Variants in TMTC2 observed in about 807,000 individuals in gnomAD.
TMTC2 encodes the protein protein O-mannosyl-transferase TMTC2.
In TMTC2, 43 loss-of-function variants were observed where a neutral mutation model predicts 82.4. That is an observed-to-expected ratio of 0.52 (90% CI 0.41 to 0.67). The LOEUF is 0.67. Ranked by LOEUF, TMTC2 falls within the 30% of genes least tolerant of loss-of-function variation. TMTC2 has a pLI of 0.00. For synonymous variants in TMTC2, 408 were observed against 381.9 expected, an observed-to-expected ratio of 1.07 and a Z score of -0.80; for missense variants, 919 against 1,012.4, an observed-to-expected ratio of 0.91 and a Z score of 1.25.
At chr12:82,829,115 A>AT (rs2137074009) in intron 1 of TMTC2, among the ~76,000 whole-genome samples, 2 of 152,272 alleles carry the variant, frequency 1.3e-5, no homozygotes, top group South Asian at 4.2e-4. Context: ...AACACTTTTA[A>AT]TTTCCTGAGT....
chr12:82,934,551 C>T (rs984438214), intron 4 of TMTC2, among the ~76,000 whole-genome samples: 1 of 152,142 alleles, frequency 6.6e-6, no homozygotes, highest in Non-Finnish European at 1.5e-5. Context: ...CTGCAAAGGA[C>T]ATGAACTCAT....
chr12:82,799,655 G>T (rs576449995), intron 1 of TMTC2, among the ~76,000 whole-genome samples: 2 of 152,182 alleles, frequency 1.3e-5, no homozygotes, highest in South Asian at 4.1e-4. Flanking sequence ...GCCATCTCTG[G>T]CATTCCTTGC....
intron 1 of TMTC2, among the ~76,000 whole-genome samples, chr12:82,822,665 A>AT (rs750903987): frequency 6.6e-6 from 1 of 152,156 alleles, no homozygotes; most frequent in African/African-American, 2.4e-5. Flanking sequence ...TCTTTTAGTG[A>AT]TTTTGTGGCA....
chr12:82,828,476 A>G (rs1286854973), intron 1 of TMTC2, among the ~76,000 whole-genome samples: 3 of 152,110 alleles, frequency 2.0e-5, no homozygotes, highest in African/African-American at 7.2e-5. Flanking sequence ...CTGGGATTAC[A>G]GGCATGAGCC....
chr12:83,072,043 G>T (rs1166016432), intron 11 of TMTC2, among the ~76,000 whole-genome samples: 3 of 151,926 alleles, frequency 2.0e-5, no homozygotes, highest in African/African-American at 4.8e-5. Flanking sequence ...CCTTTCTTCT[G>T]CTGGGTTTGG....
intron 3 of TMTC2, among the ~76,000 whole-genome samples, chr12:82,918,225 C>T (rs1355804211): frequency 1.3e-5 from 2 of 152,150 alleles, no homozygotes; most frequent in African/African-American, 4.8e-5. Flanking sequence ...GGCTTTTAAT[C>T]TGAATAAAAA....
chr12:82,882,922 G>A (rs1051299662), intron 2 of TMTC2, among the ~76,000 whole-genome samples: 3 of 151,908 alleles, frequency 2.0e-5, no homozygotes, highest in African/African-American at 7.3e-5. Flanking sequence ...TGGGCGTGGT[G>A]GCGTGTGCCT....
At chr12:82,787,814 G>A (rs1013457004) in intron 1 of TMTC2, among the ~76,000 whole-genome samples, 6 of 152,058 alleles carry the variant, frequency 3.9e-5, no homozygotes, top group African/African-American at 1.4e-4. Flanking sequence ...GGGAGGCTGA[G>A]GCAGGAGAAT....
At chr12:82,875,385 T>TATATATATA (rs140437146) in intron 2 of TMTC2, among the ~76,000 whole-genome samples, 7 of 151,828 alleles carry the variant, frequency 4.6e-5, no homozygotes, top group African/African-American at 1.7e-4. Flanking sequence ...TATATATATA[T>TATATATATA]ATGTTTTACA....
At chr12:82,733,620 T>C (rs1416616038) in intron 1 of TMTC2, among the ~76,000 whole-genome samples, 9 of 152,132 alleles carry the variant, frequency 5.9e-5, no homozygotes, top group African/African-American at 2.2e-4. Flanking sequence ...AATTAGTTTC[T>C]AGTGGAAAGT....
chr12:83,060,500 T>C (rs192125166), intron 10 of TMTC2, among the ~76,000 whole-genome samples: 1 of 151,922 alleles, frequency 6.6e-6, no homozygotes, highest in African/African-American at 2.4e-5. Context: ...CTTGTCTCAA[T>C]AGCTTCTTTA....
chr12:83,055,734 ATG>A (rs1269422085), intron 10 of TMTC2, among the ~76,000 whole-genome samples: 2 of 136,800 alleles, frequency 1.5e-5, no homozygotes, highest in Non-Finnish European at 3.2e-5. Context: ...GTGTGTGTGT[ATG>A]TGTGTGTGTT....
At chr12:82,934,384 C>T (rs1876203325) in intron 4 of TMTC2, among the ~76,000 whole-genome samples, 1 of 152,038 alleles carries the variant, frequency 6.6e-6, no homozygotes, top group Non-Finnish European at 1.5e-5. Context: ...CCCCTAGCCC[C>T]CCACCCCTTG....
At chr12:82,798,723 C>G (rs1328738774) in intron 1 of TMTC2, among the ~76,000 whole-genome samples, 2 of 149,928 alleles carry the variant, frequency 1.3e-5, no homozygotes, top group Non-Finnish European at 3.0e-5. Flanking sequence ...AGGAGAATCG[C>G]TTGAACCCGG....
In TMTC2 at chr12:83,039,124, GT is replaced by G. The variant is rs372800634; in HGVS notation, c.2152+8249del. Among the ~76,000 whole-genome samples the G allele has an allele frequency of 3.7e-3, 558 of 152,082 alleles. 5 individuals are homozygous for G. The highest frequency in any genetic ancestry group is 0.023 in the South Asian group (111 of 4,810). On this transcript the variant is annotated intron_variant, in intron 9 of 11. Coordinates refer to ENST00000321196, the MANE Select transcript of TMTC2 (RefSeq NM_152588.3). ...TTTTTGTATTTTTAGTAGAGACAAG[GT>G]TTTCCCATGTTTGGCCAGGCTGTTC...
Position 82,896,519 on chromosome 12 carries a change from G to A in TMTC2, c.1356G>A (p.Lys452=). The A allele has an allele frequency of 6.2e-7, 1 of 1,614,152 alleles. No individual in the cohort carries two copies. The highest frequency in any genetic ancestry group is 8.5e-7 in the Non-Finnish European group (1 of 1,180,038). The change falls in exon 3 of 12, where the codon AAG becomes AAA. Residue 452 remains lysine (K), a synonymous_variant. Transcript: ENST00000321196. The stretch of plus-strand genomic sequence containing the variant: ...TCAAAGTCCAAAAGCGGTTCCTCAA[G>A]AGCTTGATTTTTTATGCTACAGCTA... ...LYVKVQKRFL[K]SLIFYATATL...
At chr12:82,791,661 C>G (rs988276412) in intron 1 of TMTC2, among the ~76,000 whole-genome samples, 2 of 152,110 alleles carry the variant, frequency 1.3e-5, no homozygotes, top group African/African-American at 4.8e-5. Context: ...GCCAGAAGTT[C>G]CTAAGTTATA....
chr12:83,053,691 C>T (rs10746266), intron 10 of TMTC2, among the ~76,000 whole-genome samples: 121,230 of 151,988 alleles, frequency 0.8, 48,475 homozygotes, highest in East Asian at 0.9. Flanking sequence ...CCATTCCAGC[C>T]ACCAGAAATG....
chr12:82,796,086 T>A (rs972138555), intron 1 of TMTC2, among the ~76,000 whole-genome samples: 2 of 152,126 alleles, frequency 1.3e-5, no homozygotes. Context: ...AGTGTGTGTA[T>A]CTGAAGTGAG....
Sources: gnomAD v4.1 joint callset for allele counts (sites outside exome capture counted in the v4.1 genomes callset) on GRCh38, gnomAD v4.1.1 for gene constraint, MANE v1.5 for transcripts, NCBI Gene and HGNC (gene_info 2026-07-23, HGNC 2026-07-21) for gene names.